Variants in SCN7A observed in about 807,000 individuals in gnomAD.
The protein encoded by SCN7A is sodium channel protein type 7 subunit alpha.
In SCN7A, 138 loss-of-function variants were observed where a neutral mutation model predicts 155.2. The ratio of observed to expected loss-of-function variants is 0.89; its 90% confidence interval spans 0.77 to 1.02. The LOEUF is 1.02. Among genes scored for constraint, SCN7A ranks in the 50% least tolerant of loss-of-function variants. SCN7A has a pLI of 0.00. For synonymous variants in SCN7A, 693 were observed against 649.0 expected (o/e 1.07, Z -1.03); for missense variants, 2,058 against 1,986.6 (o/e 1.04, Z -0.68).
chr2:166,486,368 T>C (rs1703048867), intron 2 of SCN7A, among the ~76,000 whole-genome samples: 2 of 152,128 alleles, frequency 1.3e-5, no homozygotes, highest in African/African-American at 4.8e-5. Flanking sequence ...TCTGGCTCCA[T>C]GTTAGATTCA....
intron 12 of SCN7A, among the ~76,000 whole-genome samples, chr2:166,445,768 G>A (rs1020220879): frequency 6.6e-6 from 1 of 152,048 alleles, no homozygotes; most frequent in Non-Finnish European, 1.5e-5. Flanking sequence ...ACAAAAACAA[G>A]CGATGGGGAA....
chr2:166,489,752 T>C (rs946018070), intron 1 of SCN7A, among the ~76,000 whole-genome samples: 1 of 152,210 alleles, frequency 6.6e-6, no homozygotes, highest in African/African-American at 2.4e-5. Context: ...TATGTTCTGC[T>C]TCCAGGTCAG....
At chr2:166,442,379 A>G (rs1701979913) in intron 14 of SCN7A, among the ~76,000 whole-genome samples, 1 of 151,904 alleles carries the variant, frequency 6.6e-6, no homozygotes, top group East Asian at 1.9e-4. Context: ...CCTTCCTGAC[A>G]CTTTCTTTTC....
intron 12 of SCN7A, among the ~76,000 whole-genome samples, chr2:166,446,580 T>C (rs1050265825): frequency 3.9e-5 from 6 of 152,176 alleles, no homozygotes; most frequent in African/African-American, 1.2e-4. Context: ...CGTATGTTCA[T>C]TGCAGCGCTA....
rs538442255 is a variant in SCN7A at position 166,465,008 on chromosome 2, T to C, written c.941+454A>G. Reference sequence around the variant, plus strand: ...TGTTTGTGTCCCCTCAACATTCATATTGAAATTCTAACTCCCAATGTGATT... The same window carrying C: ...TGTTTGTGTCCCCTCAACATTCATACTGAAATTCTAACTCCCAATGTGATT... On this transcript the variant is annotated intron_variant, in intron 9 of 25. Coordinates refer to ENST00000643258, the MANE Select transcript of SCN7A (RefSeq NM_002976.4). 7.5e-4 allele frequency among the ~76,000 whole-genome samples: 114 copies of C among 152,316 alleles called. No individual in the cohort carries two copies. In the Middle Eastern group the frequency reaches 0.014, roughly 18 times the overall value.
chr2:166,435,776 A>G lies in SCN7A; in HGVS notation c.2158-3024T>C, dbSNP rs559769020. On this transcript the variant is annotated intron_variant, in intron 15 of 25. Coordinates refer to ENST00000643258, the MANE Select transcript of SCN7A (RefSeq NM_002976.4). Reference sequence around the variant, plus strand: ...TTTTTAAAAGGCAACTGAATTTTGTATTAAGTTTTCTCTTTCTTTTATTTT... The same window carrying G: ...TTTTTAAAAGGCAACTGAATTTTGTGTTAAGTTTTCTCTTTCTTTTATTTT... Among the ~76,000 whole-genome samples the G allele has an allele frequency of 2.0e-5, 3 of 152,220 alleles. No individual in the cohort carries two copies. In the East Asian group the frequency reaches 5.8e-4, roughly 29 times the overall value.
In SCN7A at chr2:166,409,791, T is replaced by G. The variant is rs1283812162; in HGVS notation, c.3856A>C (p.Ile1286Leu). The change falls in exon 25 of 26, where the codon ATT (isoleucine) becomes CTT (leucine). Residue 1286 changes from isoleucine to leucine, a missense_variant. Transcript: ENST00000643258. The part of the protein sequence containing the change: ...SLQMSIALYW[I>L]NSIFVMLYTM... The stretch of plus-strand genomic sequence containing the variant: ...TATAGCATAACAAAAATTGAGTTAA[T>G]CCAGTAGAGAGCAATGGACATTTGT... 8.9e-6 allele frequency: 14 copies of G among 1,571,530 alleles called. No individual in the cohort carries two copies. Among genetic ancestry groups the G allele is most frequent in the Non-Finnish European group, 8.6e-7 (1 of 1,156,228 alleles).
chr2:166,469,953 G>A (rs777905792), intron 7 of SCN7A, among the ~76,000 whole-genome samples: 1 of 151,900 alleles, frequency 6.6e-6, no homozygotes, highest in Non-Finnish European at 1.5e-5. Flanking sequence ...TCTTGATACA[G>A]CTATTTCATA....
intron 15 of SCN7A, among the ~76,000 whole-genome samples, chr2:166,437,324 G>C (rs1035548276): frequency 2.0e-5 from 3 of 152,324 alleles, no homozygotes; most frequent in Non-Finnish European, 4.4e-5. Flanking sequence ...TGAGCCTGCT[G>C]GTGCAAAGAA....
At position 166,415,374 on chromosome 2, in the gene SCN7A, G is replaced by A. The variant is rs555545803; in HGVS notation, c.3414+1333C>T. Among the ~76,000 whole-genome samples the A allele has an allele frequency of 1.5e-3, 224 of 151,834 alleles. 1 individual carries two copies. The highest frequency in any genetic ancestry group is 2.6e-3 in the Non-Finnish European group (176 of 67,944). ...CAAGTAGCTGGGACTACAGGTATGC[G>A]ACACTCCACCCAGCTAATTTTTGTA... is the stretch of plus-strand genomic sequence containing the variant. On this transcript the variant is annotated intron_variant, in intron 21 of 25. Transcript: ENST00000643258.
At position 166,477,557 on chromosome 2, in the gene SCN7A, C is replaced by A; in HGVS notation, c.140G>T (p.Gly47Val). 1 of 1,571,266 alleles carries A rather than the reference C, an allele frequency of 6.4e-7. No individual in the cohort carries two copies. Among genetic ancestry groups the A allele is most frequent in the Admixed American group, 1.9e-5 (1 of 53,576 alleles). Residue 47 changes from glycine to valine, a missense_variant, in exon 3 of 26, where the codon GGC (glycine) becomes GTC (valine). Physicochemically the swap from Gly to Val is moderately radical, Grantham distance 109. Transcript: ENST00000643258. ...TCCATAAATAAATGGAAGCTTTTTGCCAACTTCCAAATCAGGAGTTGGCTT... is the reference window on the plus strand; with the variant it reads ...TCCATAAATAAATGGAAGCTTTTTGACAACTTCCAAATCAGGAGTTGGCTT... ...DLKPTPDLEV[G>V]KKLPFIYGNL...
At chr2:166,424,227 A>G (rs370712476) in intron 18 of SCN7A, among the ~76,000 whole-genome samples, 3 of 152,242 alleles carry the variant, frequency 2.0e-5, no homozygotes, top group East Asian at 1.9e-4. Context: ...TAAAGATTAT[A>G]AAGTTCTTAA....
intron 18 of SCN7A, 72 bp from the exon 19 acceptor site, chr2:166,423,504 G>T (rs112131676): frequency 1.4e-6 from 2 of 1,430,134 alleles, no homozygotes; most frequent in Non-Finnish European, 1.8e-6. Context: ...ACATAAAAGC[G>T]AACAAAATTT....
In SCN7A at chr2:166,477,683, G is replaced by A; in HGVS notation, c.14C>T (p.Pro5Leu). The change falls in exon 3 of 26, where the codon CCA becomes CTA. Residue 5 changes from proline (P) to leucine (L), a missense_variant. Physicochemically the swap from Pro to Leu is moderately conservative, Grantham distance 98 (BLOSUM62 -3). Coordinates refer to ENST00000643258, the MANE Select transcript of SCN7A (RefSeq NM_002976.4). MLAS[P>L]EPKGLVPFTK... is the part of the protein sequence containing the mutation. ...GAAGGGAACAAGGCCCTTAGGTTCT[G>A]GTGAAGCCAACATTTCCAATTTTGT... 1.3e-6 allele frequency: 2 copies of A among 1,556,106 alleles called. No homozygotes were observed. The highest frequency in any genetic ancestry group is 8.6e-7 in the Non-Finnish European group (1 of 1,157,558).
chr2:166,459,192 C>G (rs1702348821), intron 10 of SCN7A, among the ~76,000 whole-genome samples: 1 of 152,026 alleles, frequency 6.6e-6, no homozygotes, highest in Admixed American at 6.5e-5. Context: ...GATCTCACAG[C>G]CTATGAAGGA....
At chr2:166,443,825 T>C (rs1170145032) in intron 13 of SCN7A, 149 bp from the exon 14 acceptor site, 9 of 603,416 alleles carry the variant, frequency 1.5e-5, no homozygotes, top group Non-Finnish European at 2.5e-5. Flanking sequence ...TTGTAGAGTC[T>C]GCATTGTAAG....
rs574493271 is a variant in SCN7A, at chr2:166,472,285, T to C, written c.572+32A>G. On this transcript the variant is annotated intron_variant, in intron 6 of 25. Coordinates refer to ENST00000643258, the MANE Select transcript of SCN7A (RefSeq NM_002976.4). ...TGAAAAACATTTTCTGAGCAAAACA[T>C]TAAAATAGACTCAATTTAAAGAAAT... 3.5e-5 allele frequency: 55 copies of C among 1,558,382 alleles called. No individual in the cohort carries two copies. The South Asian group carries it at 4.2e-4, about 12-fold the overall frequency.
At chr2:166,438,608 G>A (rs959681707) in intron 15 of SCN7A, among the ~76,000 whole-genome samples, 15 of 152,118 alleles carry the variant, frequency 9.9e-5, no homozygotes, top group Non-Finnish European at 2.1e-4. Context: ...TTTCTTAGAA[G>A]AGTAAGACAA....
chr2:166,414,263 TACACACAC>T (rs752928949), intron 21 of SCN7A, among the ~76,000 whole-genome samples: 15 of 75,012 alleles, frequency 2.0e-4, no homozygotes, highest in African/African-American at 6.7e-4. Flanking sequence ...TAGATATATA[TACACACAC>T]ATATATATAT....
Sources: allele counts gnomAD v4.1 joint callset (sites outside exome capture counted in the v4.1 genomes callset), GRCh38; gene constraint gnomAD v4.1.1; transcripts MANE v1.5; gene names NCBI Gene and HGNC (gene_info 2026-07-23, HGNC 2026-07-21).